The following MARCHF8 variants were observed in gnomAD, a reference collection of about 807,000 sequenced individuals.
MARCHF8 encodes membrane associated ring-CH-type finger 8.
In MARCHF8, 40 loss-of-function variants were observed where a neutral mutation model predicts 51.6. The ratio of observed to expected loss-of-function variants is 0.77; its 90% CI spans 0.60 to 1.01. The LOEUF is 1.01. Among genes scored for constraint, MARCHF8 ranks in the 50% least tolerant of loss-of-function variants. The pLI is 0.00. For synonymous variants in MARCHF8, 263 were observed against 280.3 expected (o/e 0.94, Z 0.62); for missense variants, 685 against 708.6 (o/e 0.97, Z 0.38).
chr10:45,539,555 A>T (rs1455359081), upstream of MARCHF8, among the ~76,000 whole-genome samples: 1 of 152,218 alleles, frequency 6.6e-6, no homozygotes, highest in Non-Finnish European at 1.5e-5. Flanking sequence ...AAGATCAACA[A>T]AATTGATAGA....
At chr10:45,458,986 G>A (rs549113695) in intron 7 of MARCHF8, 134 bp downstream of exon 7, 1 of 1,067,318 alleles carries the variant, frequency 9.4e-7, no homozygotes, top group African/African-American at 1.6e-5. Flanking sequence ...CAAAAAGGAG[G>A]CTAGTGCCTC....
chr10:45,537,006 G>A (rs1281521264), upstream of MARCHF8, among the ~76,000 whole-genome samples: 4 of 152,132 alleles, frequency 2.6e-5, no homozygotes, highest in East Asian at 5.8e-4. Context: ...TGTTAGCAAG[G>A]ATGTTGTGAC....
intron 1 of MARCHF8, among the ~76,000 whole-genome samples, chr10:45,589,238 C>CT (rs1446094327): frequency 2.0e-5 from 3 of 152,062 alleles, no homozygotes. Flanking sequence ...GGGTCAAAGT[C>CT]TATCATGGGG....
intron 2 of MARCHF8, among the ~76,000 whole-genome samples, chr10:45,503,611 C>T (rs2043324483): frequency 6.6e-6 from 1 of 151,242 alleles, no homozygotes; most frequent in Non-Finnish European, 1.5e-5. Context: ...CAATTATATG[C>T]TATCTATAGG....
intron 2 of MARCHF8, among the ~76,000 whole-genome samples, chr10:45,512,635 G>A (rs1243884869): frequency 1.3e-3 from 201 of 151,150 alleles, no homozygotes; most frequent in Middle Eastern, 6.8e-3. Context: ...CAGCCGCCCC[G>A]TCCGGGAGGT....
chr10:45,585,107 T>C (rs1461571297), intron 1 of MARCHF8, among the ~76,000 whole-genome samples: 1 of 152,184 alleles, frequency 6.6e-6, no homozygotes, highest in Non-Finnish European at 1.5e-5. Context: ...TATAGGACCA[T>C]GAGATTTTAA....
chr10:45,508,333 TAAAAAAA>T, intron 2 of MARCHF8, among the ~76,000 whole-genome samples: 1 of 94,914 alleles, frequency 1.1e-5, no homozygotes, highest in East Asian at 2.8e-4. Context: ...TCTTTCACAG[TAAAAAAA>T]AAAAAAAAAA....
At chr10:45,560,146 G>C (rs1392497032) in intron 1 of MARCHF8, among the ~76,000 whole-genome samples, 3 of 152,066 alleles carry the variant, frequency 2.0e-5, no homozygotes, top group Admixed American at 2.0e-4. Context: ...TGAGGTGAGA[G>C]GGAGCTGAGA....
At chr10:45,528,888 G>A (rs1564503516) in intron 2 of MARCHF8, among the ~76,000 whole-genome samples, 1 of 152,156 alleles carries the variant, frequency 6.6e-6, no homozygotes, top group African/African-American at 2.4e-5. Context: ...TCATTAAAAT[G>A]ACCATACTAC....
exon 1 of MARCHF8, chr10:45,594,731 G>A (rs1053910447): frequency 1.3e-5 from 2 of 152,212 alleles, no homozygotes; most frequent in African/African-American, 4.8e-5. Flanking sequence ...GCTGCGCGCG[G>A]CGTGGGGGAC....
intron 1 of MARCHF8, among the ~76,000 whole-genome samples, chr10:45,554,645 T>A (rs2044231520): frequency 6.6e-6 from 1 of 152,170 alleles, no homozygotes; most frequent in Non-Finnish European, 1.5e-5. Flanking sequence ...GTGGACCAGG[T>A]GCAGTGGCTC....
intron 3 of MARCHF8, among the ~76,000 whole-genome samples, chr10:45,483,242 C>T (rs569083193): frequency 4.6e-5 from 7 of 152,242 alleles, no homozygotes; most frequent in South Asian, 2.1e-4. Flanking sequence ...AACTACCCAT[C>T]GAACAAGGAA....
intron 1 of MARCHF8, among the ~76,000 whole-genome samples, chr10:45,578,197 A>C (rs2044511425): frequency 6.6e-6 from 1 of 152,154 alleles, no homozygotes; most frequent in Non-Finnish European, 1.5e-5. Context: ...TTCCTCACTA[A>C]TAGTAACAAT....
intron 1 of MARCHF8, among the ~76,000 whole-genome samples, chr10:45,587,974 A>G (rs1373646927): frequency 6.6e-6 from 1 of 152,166 alleles, no homozygotes; most frequent in East Asian, 1.9e-4. Flanking sequence ...GTATTCATAA[A>G]GGAAAGTAAA....
chr10:45,473,751 C>T (rs757067083), intron 3 of MARCHF8, among the ~76,000 whole-genome samples: 8 of 152,170 alleles, frequency 5.3e-5, no homozygotes, highest in Non-Finnish European at 1.0e-4. Context: ...CCAAAGTACT[C>T]ACATGAACAG....
chr10:45,584,142 T>C (rs1230504720), intron 1 of MARCHF8, among the ~76,000 whole-genome samples: 1 of 126,538 alleles, frequency 7.9e-6, no homozygotes, highest in African/African-American at 3.2e-5. Context: ...TATATATATA[T>C]ATATATATAT....
intron 2 of MARCHF8, among the ~76,000 whole-genome samples, chr10:45,512,073 A>G (rs1353971856): frequency 1.4e-5 from 2 of 146,074 alleles, no homozygotes; most frequent in Non-Finnish European, 3.0e-5. Flanking sequence ...CCATCGCCTG[A>G]GATGTGGGGA....
intron 2 of MARCHF8, among the ~76,000 whole-genome samples, chr10:45,498,378 A>G (rs1013242059): frequency 2.0e-5 from 3 of 152,158 alleles, no homozygotes; most frequent in African/African-American, 7.2e-5. Flanking sequence ...TACTCTAGAT[A>G]CTTTATACAA....
Position 45,510,230 on chromosome 10 carries a change from G to A in MARCHF8, c.103-20813C>T, listed in dbSNP as rs567473558. On this transcript the variant is annotated intron_variant, in intron 2 of 7. Transcript: ENST00000453424. ...CAGAAACTGCACACTGCGAGACCCT[G>A]ATCTTAAGACTTTCCTACCTCCAGA... 4.6e-5 allele frequency among the ~76,000 whole-genome samples: 7 copies of A among 152,218 alleles called. No homozygotes were observed. In the East Asian group the frequency reaches 1.4e-3, roughly 29 times the overall value.
Sources: gnomAD v4.1 joint callset for allele counts (sites outside exome capture counted in the v4.1 genomes callset) on GRCh38, gnomAD v4.1.1 for gene constraint, MANE v1.5 for transcripts, NCBI Gene and HGNC (gene_info 2026-07-23, HGNC 2026-07-21) for gene names.